Variants in PXN observed in about 807,000 individuals in gnomAD.
The protein encoded by PXN is testicular tissue protein Li 134.
Under a neutral mutation model 103.6 loss-of-function variants are expected in PXN, and 61 were observed. The observed-to-expected ratio is 0.59, with a 90% CI of 0.48 to 0.73. The LOEUF (loss-of-function observed/expected upper bound fraction) is 0.73, where lower values mean the gene tolerates loss of function less well. Ranked by LOEUF, PXN falls within the 30% of genes least tolerant of loss-of-function variation. The pLI is 0.00. For missense variants in PXN, 1,274 were observed against 1,460.3 expected, an observed-to-expected ratio of 0.87 and a Z score of 2.08; for synonymous variants, 562 against 607.8, an observed-to-expected ratio of 0.92 and a Z score of 1.11.
intron 1 of PXN, chr12:120,226,727 G>C (rs1034535156): frequency 7.3e-6 from 8 of 1,098,920 alleles, no homozygotes; most frequent in Non-Finnish European, 7.8e-6. Flanking sequence ...TTCTGAGGTC[G>C]AGCCAGACCT....
At position 120,216,828 on chromosome 12, in the gene PXN, A is replaced by G. The variant is rs773486105; in HGVS notation, c.1992+13T>C. 5.9e-5 allele frequency: 91 copies of G among 1,546,792 alleles called. No homozygotes were observed. Among genetic ancestry groups the G allele is most frequent in the Non-Finnish European group, 7.6e-5 (88 of 1,158,854 alleles). On this transcript the variant is annotated intron_variant, in intron 8 of 14. Transcript: ENST00000637617. This position sits in a 1 kb window ranked among gnomAD's most constrained non-coding sequence, Gnocchi z 5.1. ...CTCTGGCCCAGCCCCAGCCATGGGC[A>G]TCTCCTCGCCACCTTCTCTACGAGC...
At position 120,222,602 on chromosome 12, in the gene PXN, C is replaced by T. The variant is rs1466646975; in HGVS notation, c.642G>A (p.Arg214=). 2 of 1,609,212 alleles carry T rather than the reference C, an allele frequency of 1.2e-6. No individual in the cohort carries two copies. The highest frequency in any genetic ancestry group is 2.2e-5 in the South Asian group (2 of 89,776). Residue 214 remains arginine (R), a synonymous_variant, in exon 5 of 15, where the codon CGG becomes CGA. Coordinates refer to ENST00000637617, the MANE Select transcript of PXN (RefSeq NM_001385981.1). The surrounding 1 kb of genome is among the most constrained non-coding windows in gnomAD (Gnocchi z 4.7). ...RNGGRGLEDV[R]PSVESLLDEL... is the part of the protein sequence containing the mutation. ...CATCCAAGAGACTCTCCACACTGGG[C>T]CGCACGTCCTCCAGGCCCCGGCCCC...
chr12:120,217,008 ATGGGGTCCTGCTCAAGG>A lies in PXN; in HGVS notation c.1808_1824del (p.Thr603IlefsTer18). On this transcript the variant is annotated frameshift_variant, in exon 8 of 15. Coordinates refer to ENST00000637617, the MANE Select transcript of PXN (RefSeq NM_001385981.1). LOFTEE classifies it high-confidence loss of function. This position sits in a 1 kb window ranked among gnomAD's most constrained non-coding sequence, Gnocchi z 4.1. ...AGCTCCGCGATGAGCTGTTCCTGGG[ATGGGGTCCTGCTCAAGG>A]TGGCAGGGTCCAGCCGGCGGCGAGG... 1 of 1,573,536 alleles carries A rather than the reference ATGGGGTCCTGCTCAAGG, an allele frequency of 6.4e-7. No homozygotes were observed. Among genetic ancestry groups the A allele is most frequent in the Non-Finnish European group, 8.6e-7 (1 of 1,168,074 alleles).
intron 1 of PXN, among the ~76,000 whole-genome samples, chr12:120,252,386 G>A (rs893898812): frequency 3.3e-5 from 5 of 152,118 alleles, no homozygotes; most frequent in Non-Finnish European, 7.3e-5. Context: ...CTTAGCAGGA[G>A]GGTCAACAGG....
In PXN at chr12:120,224,187, C is replaced by T. The variant is rs1886125822; in HGVS notation, c.204G>A (p.Gln68=). ...TGAATCGGGAGCTGCTGGGCTGCCACTGGTCTAAGGGGTCAAGGATTGTGC... is the reference window on the plus strand; with the variant it reads ...TGAATCGGGAGCTGCTGGGCTGCCATTGGTCTAAGGGGTCAAGGATTGTGC... ...LNGTILDPLD[Q]WQPSSSRFIH... is the part of the protein sequence containing the mutation. The change falls in exon 2 of 15, where the codon CAG becomes CAA. Residue 68 remains glutamine (Q), a synonymous_variant. Transcript: ENST00000637617. This position sits in a 1 kb window ranked among gnomAD's most constrained non-coding sequence, Gnocchi z 5.0. The T allele has an allele frequency of 1.2e-6, 2 of 1,605,714 alleles. No individual in the cohort carries two copies. The highest frequency in any genetic ancestry group is 3.4e-5 in the Admixed American group (2 of 58,586).
At chr12:120,246,318 G>A (rs551144254) in intron 1 of PXN, among the ~76,000 whole-genome samples, 14 of 151,406 alleles carry the variant, frequency 9.2e-5, no homozygotes, top group Non-Finnish European at 1.6e-4. Flanking sequence ...CTTGAGGTCA[G>A]GAGTTCGAGT....
In PXN at chr12:120,215,780, C is replaced by A. The variant is rs935848870; in HGVS notation, c.2302-119G>T. ...TGAGATCTGAGGGTTTCTCCCCCAC[C>A]GGCAGGACCAAAATTGGGGGAAAAA... is the stretch of plus-strand genomic sequence containing the variant. On this transcript the variant is annotated intron_variant, in intron 9 of 14. Coordinates refer to ENST00000637617, the MANE Select transcript of PXN (RefSeq NM_001385981.1). This position sits in a 1 kb window ranked among gnomAD's most constrained non-coding sequence, Gnocchi z 4.9. 3.5e-5 allele frequency: 45 copies of A among 1,277,166 alleles called. No homozygotes were observed. The African/African-American group carries it at 6.6e-4, about 19-fold the overall frequency. 79.1% of individuals were successfully genotyped at this position (1,277,166 alleles called of 1,614,324 possible).
Position 120,219,933 on chromosome 12 carries a change from G to A in PXN, c.990C>T (p.Phe330=), listed in dbSNP as rs763708894. 3.1e-6 allele frequency: 5 copies of A among 1,597,780 alleles called. No individual in the cohort carries two copies. In the South Asian group the frequency reaches 4.4e-5, roughly 14 times the overall value. ...SPRGQGHTPE[F]PCTEQSGRGL... ...CTCGTCCACTCTGCTCAGTACAAGG[G>A]AACTCCGGAGTGTGGCCCTGGCCTC... Residue 330 remains phenylalanine (F), a synonymous_variant, in exon 7 of 15, where the codon TTC becomes TTT. Coordinates refer to ENST00000637617, the MANE Select transcript of PXN (RefSeq NM_001385981.1). The surrounding 1 kb of genome is among the most constrained non-coding windows in gnomAD (Gnocchi z 6.5).
At position 120,212,288 on chromosome 12, in the gene PXN, G is replaced by C; in HGVS notation, c.*26C>G. On this transcript the variant is annotated 3_prime_UTR_variant, in exon 15 of 15. Coordinates refer to ENST00000637617, the MANE Select transcript of PXN (RefSeq NM_001385981.1). The surrounding 1 kb of genome is among the most constrained non-coding windows in gnomAD (Gnocchi z 7.2). Reference sequence around the variant, plus strand: ...GCAGTTGGGGATGCTGGCTGGGGAAGGGGGGCAGAGACAGGGGCAGGGCAC... The same window carrying C: ...GCAGTTGGGGATGCTGGCTGGGGAACGGGGGCAGAGACAGGGGCAGGGCAC... The C allele has an allele frequency of 1.9e-6, 3 of 1,602,262 alleles. No individual in the cohort carries two copies. The highest frequency in any genetic ancestry group is 2.6e-6 in the Non-Finnish European group (3 of 1,173,666).
intron 1 of PXN, among the ~76,000 whole-genome samples, chr12:120,237,206 TG>T (rs1420692015): frequency 6.6e-6 from 1 of 150,930 alleles, no homozygotes; most frequent in Non-Finnish European, 1.5e-5. Context: ...TTGCCCAGGC[TG>T]GGGTACAGTG....
chr12:120,250,587 C>G (rs1446410859), intron 1 of PXN, among the ~76,000 whole-genome samples: 4 of 152,058 alleles, frequency 2.6e-5, no homozygotes, highest in Admixed American at 6.6e-5. Context: ...TTAGTATAAA[C>G]CAAGCCACCA....
rs923183684 is a variant in PXN at position 120,214,196 on chromosome 12, G to A, written c.2770C>T (p.Arg924Trp). 10 of 1,551,600 alleles carry A rather than the reference G, an allele frequency of 6.4e-6. No individual in the cohort carries two copies. The highest frequency in any genetic ancestry group is 2.4e-5 in the East Asian group (1 of 40,942). The part of the protein sequence containing the change: ...ILDKVVTALD[R>W]TWHPEHFFCA... ...AAGAAGTGTTCAGGGTGCCACGTCC[G>A]GTCAAGGGCTGTCACCACTTTCTGT... Residue 924 changes from arginine to tryptophan, a missense_variant, in exon 13 of 15, where the codon CGG (arginine) becomes TGG (tryptophan). Transcript: ENST00000637617. The surrounding 1 kb of genome is among the most constrained non-coding windows in gnomAD (Gnocchi z 5.0).
At position 120,217,211 on chromosome 12, in the gene PXN, A is replaced by C; in HGVS notation, c.1717-95T>G. The C allele has an allele frequency of 9.3e-7, 1 of 1,080,310 alleles. No homozygotes were observed. Among genetic ancestry groups the C allele is most frequent in the Admixed American group, 2.4e-5 (1 of 42,160 alleles). 66.9% of individuals were successfully genotyped at this position (1,080,310 alleles called of 1,614,324 possible). ...TCAGATGCCTCAGGAGAGGGAGCAC[A>C]AAAGAAAACCACCAAAGAACCAAGC... On this transcript the variant is annotated intron_variant, in intron 7 of 14. Transcript: ENST00000637617. The surrounding 1 kb of genome is among the most constrained non-coding windows in gnomAD (Gnocchi z 4.1).
Position 120,216,585 on chromosome 12 carries a change from GGGA to G in PXN, c.1993-7_1993-5del. ...GAGAGCCAGGAGGGAAGACAACCTG[GGGA>G]GAAGAAAGGAGGGAGAGCGATGAGG... is the stretch of plus-strand genomic sequence containing the variant. On this transcript the variant is annotated splice_polypyrimidine_tract_variant and splice_region_variant and intron_variant, in intron 8 of 14. Transcript: ENST00000637617. The surrounding 1 kb of genome is among the most constrained non-coding windows in gnomAD (Gnocchi z 5.1). 1 of 1,451,038 alleles carries G rather than the reference GGGA, an allele frequency of 6.9e-7. No individual in the cohort carries two copies. The highest frequency in any genetic ancestry group is 9.0e-7 in the Non-Finnish European group (1 of 1,112,994). The allele number at this position is 1,451,038 out of a possible 1,614,324, so 89.9% of individuals were successfully genotyped here.
rs74621155 is a variant in PXN, at chr12:120,229,142, C to T, written c.14-4765G>A. Reference sequence around the variant, plus strand: ...GCTCCGGGTGGAAGGAAACCTGGGTCCCCTTGTACCTACAATGGGGGGATG... The same window carrying T: ...GCTCCGGGTGGAAGGAAACCTGGGTTCCCTTGTACCTACAATGGGGGGATG... On this transcript the variant is annotated intron_variant, in intron 1 of 14. Coordinates refer to ENST00000637617, the MANE Select transcript of PXN (RefSeq NM_001385981.1). The surrounding 1 kb of genome is among the most constrained non-coding windows in gnomAD (Gnocchi z 4.0). Among the ~76,000 whole-genome samples, 6,005 of 152,266 alleles carry T rather than the reference C, an allele frequency of 0.039. 414 individuals are homozygous for T. Among genetic ancestry groups the T allele is most frequent in the African/African-American group, 0.13 (5,538 of 41,512 alleles).
At chr12:120,252,826 C>T (rs1225734919) in intron 1 of PXN, among the ~76,000 whole-genome samples, 1 of 151,906 alleles carries the variant, frequency 6.6e-6, no homozygotes, top group East Asian at 1.9e-4. Flanking sequence ...AATGAAACTC[C>T]GTCTCTACTA....
intron 1 of PXN, among the ~76,000 whole-genome samples, chr12:120,230,731 G>A (rs116904997): frequency 0.015 from 2,248 of 151,810 alleles, 32 homozygotes; most frequent in Non-Finnish European, 0.022. Context: ...CACTCGGTGA[G>A]TAAGTCCCCA....
At chr12:120,250,755 G>A (rs951481368) in intron 1 of PXN, among the ~76,000 whole-genome samples, 7 of 152,092 alleles carry the variant, frequency 4.6e-5, no homozygotes, top group African/African-American at 9.7e-5. Context: ...AACCCATGGC[G>A]CCATGAAGAG....
chr12:120,265,453 C>G lies in PXN; in HGVS notation c.13+164G>C, dbSNP rs116923576. The stretch of plus-strand genomic sequence containing the variant: ...GCCGGCCTGGCCCGAGACTAAGGCC[C>G]GGTTAGGGATCCCAGCCCCGCGGAG... On this transcript the variant is annotated intron_variant, in intron 1 of 14. Transcript: ENST00000637617. The surrounding 1 kb of genome is among the most constrained non-coding windows in gnomAD (Gnocchi z 5.7). Among the ~76,000 whole-genome samples, 3,567 of 151,670 alleles carry G rather than the reference C, an allele frequency of 0.024. 74 individuals carry two copies. The highest frequency in any genetic ancestry group is 0.035 in the Non-Finnish European group (2,377 of 67,844).
Sources: gnomAD v4.1 joint callset for allele counts (sites outside exome capture counted in the v4.1 genomes callset) on GRCh38, gnomAD v4.1.1 for gene constraint, Gnocchi (gnomAD v3.1) non-coding constraint, MANE v1.5 for transcripts, NCBI Gene and HGNC (gene_info 2026-07-23, HGNC 2026-07-21) for gene names.